Variants in KCNIP4 observed in about 807,000 individuals in gnomAD.
KCNIP4 encodes Kv channel-interacting protein 4.
A neutral mutation model predicts 34.0 loss-of-function variants in KCNIP4; 12 were observed. The ratio of observed to expected loss-of-function variants is 0.35; its 90% CI spans 0.23 to 0.57. The LOEUF (loss-of-function observed/expected upper bound fraction) is 0.57, where lower values mean the gene tolerates loss of function less well. Ranked by LOEUF, KCNIP4 falls within the 20% of genes least tolerant of loss-of-function variation. KCNIP4 has a pLI of 0.83. For synonymous variants in KCNIP4, 124 were observed against 102.2 expected (o/e 1.21, Z -1.29); for missense variants, 238 against 311.7 (o/e 0.76, Z 1.78).
chr4:21,092,806 G>T (rs567804780), intron 1 of KCNIP4, among the ~76,000 whole-genome samples: 1 of 152,176 alleles, frequency 6.6e-6, no homozygotes, highest in Admixed American at 6.5e-5. Flanking sequence ...AGAACTCACC[G>T]GCTTGCAGCC....
intron 1 of KCNIP4, among the ~76,000 whole-genome samples, chr4:21,793,647 A>G (rs1057013981): frequency 5.9e-5 from 9 of 152,330 alleles, no homozygotes; most frequent in Middle Eastern, 6.8e-3. Context: ...AAAAGAAATA[A>G]ATACCACCTG....
At chr4:21,637,505 G>A (rs35433933) in intron 1 of KCNIP4, among the ~76,000 whole-genome samples, 21,332 of 151,990 alleles carry the variant, frequency 0.14, 1,788 homozygotes, top group South Asian at 0.21. Context: ...CAGGCCAGGC[G>A]CGGTGGCTTA....
At chr4:21,624,214 A>AATAT (rs997167507) in intron 1 of KCNIP4, among the ~76,000 whole-genome samples, 6 of 152,080 alleles carry the variant, frequency 3.9e-5, no homozygotes, top group African/African-American at 1.4e-4. Context: ...TCAGCTTTAT[A>AATAT]ATATATATAT....
intron 1 of KCNIP4, among the ~76,000 whole-genome samples, chr4:21,818,247 C>T (rs1336115623): frequency 6.6e-6 from 1 of 152,134 alleles, no homozygotes; most frequent in African/African-American, 2.4e-5. Flanking sequence ...GGGGTGGGTT[C>T]CCCCAGTATT....
intron 1 of KCNIP4, among the ~76,000 whole-genome samples, chr4:21,919,715 A>G (rs1479171803): frequency 6.6e-6 from 1 of 152,174 alleles, no homozygotes; most frequent in African/African-American, 2.4e-5. Flanking sequence ...CCTAAGGGTG[A>G]GAATATCAGG....
intron 1 of KCNIP4, among the ~76,000 whole-genome samples, chr4:21,275,759 T>C (rs898821938): frequency 6.6e-6 from 1 of 152,158 alleles, no homozygotes; most frequent in African/African-American, 2.4e-5. Flanking sequence ...TACTTCAAGG[T>C]TTAGCATTTT....
intron 1 of KCNIP4, among the ~76,000 whole-genome samples, chr4:20,899,277 AG>A (rs1726901113): frequency 6.6e-6 from 1 of 152,210 alleles, no homozygotes; most frequent in African/African-American, 2.4e-5. Context: ...AATGTCCCTA[AG>A]ATGGATATGA....
At chr4:21,918,236 T>A (rs1187742337) in intron 1 of KCNIP4, among the ~76,000 whole-genome samples, 1 of 152,130 alleles carries the variant, frequency 6.6e-6, no homozygotes, top group Non-Finnish European at 1.5e-5. Flanking sequence ...AATGGAAACA[T>A]AACTGTGATA....
chr4:20,850,496 C>A (rs771766098), intron 3 of KCNIP4, 47 bp downstream of exon 3: 1 of 1,591,626 alleles, frequency 6.3e-7, no homozygotes, highest in Non-Finnish European at 8.6e-7. Flanking sequence ...TTTCTCAATG[C>A]TCCTCTGGGA....
chr4:20,851,842 A>G (rs1316467419), intron 2 of KCNIP4, among the ~76,000 whole-genome samples: 1 of 152,200 alleles, frequency 6.6e-6, no homozygotes, highest in African/African-American at 2.4e-5. Context: ...AAATGCAACT[A>G]CAAGATAGCC....
At chr4:20,950,441 T>C (rs1732662800) in intron 1 of KCNIP4, among the ~76,000 whole-genome samples, 1 of 152,160 alleles carries the variant, frequency 6.6e-6, no homozygotes, top group Non-Finnish European at 1.5e-5. Context: ...GCAGAATGAA[T>C]AAGCCTGAGT....
At chr4:20,734,034 C>T (rs1749006922) in intron 6 of KCNIP4, among the ~76,000 whole-genome samples, 1 of 152,160 alleles carries the variant, frequency 6.6e-6, no homozygotes, top group African/African-American at 2.4e-5. Flanking sequence ...TGAGAATGCC[C>T]AGGATTTAGG....
chr4:21,131,620 CA>C, intron 1 of KCNIP4, among the ~76,000 whole-genome samples: 1 of 152,030 alleles, frequency 6.6e-6, no homozygotes, highest in East Asian at 1.9e-4. Context: ...AAAACAAAAA[CA>C]AAAACAAAAA....
chr4:21,108,765 G>A (rs1175284072), intron 1 of KCNIP4, among the ~76,000 whole-genome samples: 1 of 151,944 alleles, frequency 6.6e-6, no homozygotes, highest in East Asian at 1.9e-4. Context: ...GTGATGTACA[G>A]ATGGGTTTTT....
intron 1 of KCNIP4, among the ~76,000 whole-genome samples, chr4:21,647,603 A>G (rs1052816719): frequency 6.6e-6 from 1 of 152,190 alleles, no homozygotes; most frequent in Non-Finnish European, 1.5e-5. Context: ...CACATCACAA[A>G]AAAGAACAAT....
rs1747331424 is a variant in KCNIP4 at position 20,729,551 on chromosome 4, A to ATAGAAAC, written c.*524_*530dup. The ATAGAAAC allele has an allele frequency of 6.7e-6, 1 of 149,426 alleles. No individual in the cohort carries two copies. The highest frequency in any genetic ancestry group is 1.5e-5 in the Non-Finnish European group (1 of 67,044). 9.3% of individuals were successfully genotyped at this position (149,426 alleles called of 1,614,324 possible). On this transcript the variant is annotated 3_prime_UTR_variant, in exon 9 of 9. Coordinates refer to ENST00000382152, the MANE Select transcript of KCNIP4 (RefSeq NM_025221.6). ...ATTTCTAACAGAAGGTGGGAAGGCC[A>ATAGAAAC]TAGAAACTGGAACTATGTGTTTTTT...
chr4:21,224,578 G>GTT (rs765906146), intron 1 of KCNIP4, among the ~76,000 whole-genome samples: 1,050 of 44,894 alleles, frequency 0.023, 352 homozygotes, highest in South Asian at 0.1. Context: ...TTTTTCAACT[G>GTT]TTTTTTTTTT....
At chr4:21,290,404 C>CA (rs1341111259) in intron 1 of KCNIP4, among the ~76,000 whole-genome samples, 7 of 151,820 alleles carry the variant, frequency 4.6e-5, no homozygotes, top group Admixed American at 2.0e-4. Context: ...AATTAACCTC[C>CA]AAAAAAAGCT....
At chr4:21,534,163 C>T (rs565986444) in intron 1 of KCNIP4, among the ~76,000 whole-genome samples, 3 of 152,208 alleles carry the variant, frequency 2.0e-5, no homozygotes, top group South Asian at 4.1e-4. Context: ...GTCAAATGCA[C>T]ATAAAACATA....
Sources: allele counts gnomAD v4.1 joint callset (sites outside exome capture counted in the v4.1 genomes callset), GRCh38; gene constraint gnomAD v4.1.1; transcripts MANE v1.5; gene names NCBI Gene and HGNC (gene_info 2026-07-23, HGNC 2026-07-21).